The following ULK4 variants were observed in gnomAD, a reference collection of about 807,000 sequenced individuals.
ULK4 encodes inactive serine/threonine-protein kinase ULK4.
Under a neutral mutation model 160.6 loss-of-function variants are expected in ULK4, and 133 were observed. The ratio of observed to expected loss-of-function variants is 0.83; its 90% CI spans 0.72 to 0.96. The LOEUF (loss-of-function observed/expected upper bound fraction) is 0.96. ULK4 is among the 40% of genes least tolerant of loss of function. ULK4 has a pLI of 0.00. For missense variants in ULK4, 1,580 were observed against 1,499.5 expected, an observed-to-expected ratio of 1.05 and a Z score of -0.89; for synonymous variants, 534 against 539.8, an observed-to-expected ratio of 0.99 and a Z score of 0.15.
chr3:41,921,912 G>C (rs1699198132), intron 5 of ULK4, among the ~76,000 whole-genome samples: 1 of 152,138 alleles, frequency 6.6e-6, no homozygotes, highest in Admixed American at 6.5e-5. Context: ...CCACCATTCT[G>C]GGAGGCCGAG....
intron 35 of ULK4, among the ~76,000 whole-genome samples, chr3:41,298,254 C>G (rs2079711222): frequency 6.6e-6 from 1 of 152,144 alleles, no homozygotes. Flanking sequence ...GATGGATGAA[C>G]TATTTCAGTT....
intron 19 of ULK4, among the ~76,000 whole-genome samples, chr3:41,806,313 G>A (rs1424333536): frequency 6.6e-6 from 1 of 151,938 alleles, no homozygotes; most frequent in Non-Finnish European, 1.5e-5. Context: ...TTGTATTTCT[G>A]TGGGATCGGT....
At chr3:41,649,416 C>A (rs2034645024) in intron 30 of ULK4, among the ~76,000 whole-genome samples, 1 of 152,152 alleles carries the variant, frequency 6.6e-6, no homozygotes, top group African/African-American at 2.4e-5. Flanking sequence ...CTGGCCACAG[C>A]TCCAGACCCT....
intron 16 of ULK4, among the ~76,000 whole-genome samples, chr3:41,890,763 A>AT (rs1697909257): frequency 6.1e-5 from 1 of 16,504 alleles, no homozygotes; most frequent in Non-Finnish European, 1.2e-4. Context: ...GAGGGACGGG[A>AT]GGGACGGGAG....
chr3:41,694,078 A>G (rs1254369782), intron 27 of ULK4, among the ~76,000 whole-genome samples: 3 of 152,236 alleles, frequency 2.0e-5, no homozygotes, highest in Admixed American at 1.3e-4. Flanking sequence ...AAGCAATTCC[A>G]TAACAATTTA....
At chr3:41,710,363 A>C (rs1004780150) in intron 25 of ULK4, among the ~76,000 whole-genome samples, 5 of 152,128 alleles carry the variant, frequency 3.3e-5, no homozygotes, top group Middle Eastern at 3.2e-3. Context: ...GGAGAAAGGA[A>C]CATATAGTCA....
chr3:41,903,569 A>G (rs957712049), intron 12 of ULK4, among the ~76,000 whole-genome samples: 1 of 145,236 alleles, frequency 6.9e-6, no homozygotes, highest in Non-Finnish European at 1.5e-5. Flanking sequence ...GGGCAAACAG[A>G]GCGAGACTCT....
intron 30 of ULK4, among the ~76,000 whole-genome samples, chr3:41,642,343 C>A (rs558656293): frequency 4.6e-4 from 70 of 152,156 alleles, no homozygotes; most frequent in African/African-American, 1.6e-3. Context: ...TCCCTACTCC[C>A]CCCACCCCAC....
At chr3:41,789,345 G>A (rs1388646748) in intron 21 of ULK4, among the ~76,000 whole-genome samples, 1 of 152,188 alleles carries the variant, frequency 6.6e-6, no homozygotes, top group Non-Finnish European at 1.5e-5. Context: ...AAGGCCATGG[G>A]AGAAAGAGAT....
At chr3:41,890,183 C>T (rs1374806733) in intron 16 of ULK4, among the ~76,000 whole-genome samples, 1 of 152,164 alleles carries the variant, frequency 6.6e-6, no homozygotes, top group Non-Finnish European at 1.5e-5. Flanking sequence ...AATATACTAA[C>T]ACCTACTGAA....
chr3:41,887,785 CT>C (rs1697777054), intron 16 of ULK4, among the ~76,000 whole-genome samples: 1 of 151,146 alleles, frequency 6.6e-6, no homozygotes, highest in Non-Finnish European at 1.5e-5. Flanking sequence ...CATGCCACTA[CT>C]GCACTCCCGC....
chr3:41,728,314 G>T (rs1207193425), intron 22 of ULK4, among the ~76,000 whole-genome samples: 2 of 152,158 alleles, frequency 1.3e-5, no homozygotes, highest in Non-Finnish European at 1.5e-5. Flanking sequence ...GCTGCATCTG[G>T]CAAGGATCAC....
chr3:41,381,591 T>C (rs2081652844), intron 35 of ULK4, among the ~76,000 whole-genome samples: 1 of 152,206 alleles, frequency 6.6e-6, no homozygotes, highest in Admixed American at 6.5e-5. Flanking sequence ...CTCCAACTAA[T>C]CTGTCAGGAA....
At chr3:41,882,047 C>A in intron 17 of ULK4, 1 of 598,330 alleles carries the variant, frequency 1.7e-6, no homozygotes, top group Non-Finnish European at 3.0e-6. Flanking sequence ...CCAGGGTGAC[C>A]AACAGGTCCC....
intron 20 of ULK4, among the ~76,000 whole-genome samples, chr3:41,794,683 A>AAAAAAAAAAAAAAAAAAAAC (rs1559557491): frequency 1.6e-5 from 2 of 126,802 alleles, no homozygotes; most frequent in Non-Finnish European, 3.3e-5. Context: ...AAAAAAAAAA[A>AAAAAAAAAAAAAAAAAAAAC]AAACACAGAA....
At chr3:41,853,517 A>G (rs1228325752) in intron 17 of ULK4, among the ~76,000 whole-genome samples, 2 of 152,216 alleles carry the variant, frequency 1.3e-5, no homozygotes, top group East Asian at 3.8e-4. Context: ...GGCAAGGGTT[A>G]GATCACGTAC....
chr3:41,677,424 C>T (rs1182327506), intron 29 of ULK4, among the ~76,000 whole-genome samples: 1 of 151,740 alleles, frequency 6.6e-6, no homozygotes, highest in East Asian at 1.9e-4. Flanking sequence ...CTCCACCTCC[C>T]GGGTTCATGC....
intron 32 of ULK4, among the ~76,000 whole-genome samples, chr3:41,515,512 T>C (rs756009926): frequency 6.6e-6 from 1 of 152,176 alleles, no homozygotes; most frequent in Admixed American, 6.5e-5. Context: ...GGGTAATTTA[T>C]AAAGGAAAGA....
chr3:41,386,527 G>C (rs2081813860), intron 35 of ULK4, among the ~76,000 whole-genome samples: 1 of 152,116 alleles, frequency 6.6e-6, no homozygotes, highest in Non-Finnish European at 1.5e-5. Flanking sequence ...TAAGAACAGA[G>C]GGAGAATTGG....
Sources: gnomAD v4.1 joint callset for allele counts (sites outside exome capture counted in the v4.1 genomes callset) on GRCh38, gnomAD v4.1.1 for gene constraint, MANE v1.5 for transcripts, NCBI Gene and HGNC (gene_info 2026-07-23, HGNC 2026-07-21) for gene names.